Variants in MYLIP observed in about 807,000 individuals in gnomAD.
The protein encoded by MYLIP is myosin regulatory light chain interacting protein.
In MYLIP, 26 loss-of-function variants were observed where a neutral mutation model predicts 45.8. That is an observed-to-expected ratio of 0.57 (90% CI 0.42 to 0.79). The LOEUF is 0.79. Ranked by LOEUF, MYLIP falls within the 30% of genes least tolerant of loss-of-function variation. The pLI is 0.00. For missense variants in MYLIP, 494 were observed against 555.6 expected, an observed-to-expected ratio of 0.89 and a Z score of 1.11; for synonymous variants, 213 against 218.1, an observed-to-expected ratio of 0.98 and a Z score of 0.21.
At chr6:16,141,506 C>A in intron 2 of MYLIP, 119 bp from the exon 3 acceptor site, 1 of 920,168 alleles carries the variant, frequency 1.1e-6, no homozygotes, top group Non-Finnish European at 1.6e-6. Flanking sequence ...TAATGTTAAG[C>A]ATTTTCAGTG....
downstream of MYLIP, among the ~76,000 whole-genome samples, chr6:16,148,903 T>C (rs747284268): frequency 6.6e-5 from 10 of 152,218 alleles, no homozygotes; most frequent in Non-Finnish European, 1.3e-4. Context: ...TAATTATCTG[T>C]AGCAATTGGA....
the MYLIP span, among the ~76,000 whole-genome samples, chr6:16,160,767 A>G: frequency 1.3e-5 from 2 of 152,144 alleles, no homozygotes; most frequent in Admixed American, 6.6e-5. Flanking sequence ...ATGCCACTGC[A>G]CTCCAGTCTG....
At chr6:16,157,139 C>T in the MYLIP span, among the ~76,000 whole-genome samples, 3 of 152,254 alleles carry the variant, frequency 2.0e-5, no homozygotes, top group Admixed American at 6.5e-5. Flanking sequence ...CCTCTCTCCT[C>T]ACTCCTGGAC....
chr6:16,130,305 T>A (rs1759432389), intron 1 of MYLIP, among the ~76,000 whole-genome samples: 1 of 152,224 alleles, frequency 6.6e-6, no homozygotes, highest in Non-Finnish European at 1.5e-5. Flanking sequence ...GGAAGGCTAC[T>A]TTTGAGGACT....
At chr6:16,132,260 TTTATAA>T (rs1759473062) in intron 2 of MYLIP, among the ~76,000 whole-genome samples, 1 of 152,212 alleles carries the variant, frequency 6.6e-6, no homozygotes, top group Non-Finnish European at 1.5e-5. Flanking sequence ...GTATTCAGAC[TTTATAA>T]TTGACTAGTA....
chr6:16,131,198 A>C (rs577646182), intron 2 of MYLIP, among the ~76,000 whole-genome samples: 30 of 152,318 alleles, frequency 2.0e-4, no homozygotes, highest in African/African-American at 6.5e-4. Context: ...AAACTTGGTC[A>C]GTTTCTTCAG....
Position 16,144,890 on chromosome 6 carries a change from C to T in MYLIP, c.828-7C>T, listed in dbSNP as rs2113565249. The T allele has an allele frequency of 6.2e-7, 1 of 1,604,550 alleles. No individual in the cohort carries two copies. ...TGTTAAAGTAGATGTTCAATCTTGC[C>T]TTGCAGGTGTGACACAGTGACCAGC... On this transcript the variant is annotated splice_polypyrimidine_tract_variant and splice_region_variant and intron_variant, in intron 5 of 6. Coordinates refer to ENST00000356840, the MANE Select transcript of MYLIP (RefSeq NM_013262.4).
chr6:16,158,509 T>C, the MYLIP span, among the ~76,000 whole-genome samples: 2 of 152,216 alleles, frequency 1.3e-5, no homozygotes, highest in African/African-American at 4.8e-5. Context: ...AAAAACTATA[T>C]ATACATCTAT....
chr6:16,142,130 A>G (rs1192283164), intron 3 of MYLIP, among the ~76,000 whole-genome samples: 1 of 152,244 alleles, frequency 6.6e-6, no homozygotes, highest in Non-Finnish European at 1.5e-5. Context: ...GCTACTGCAT[A>G]TATTCATAGA....
chr6:16,151,185 T>TA (rs1339394590), downstream of MYLIP, among the ~76,000 whole-genome samples: 775 of 139,736 alleles, frequency 5.5e-3, 3 homozygotes, highest in African/African-American at 0.016. Context: ...CCATCTCTGC[T>TA]AAAAAAAAAA....
rs1759397120 is a variant in MYLIP, at chr6:16,129,129, A to T, written c.-194A>T. 1.7e-6 allele frequency: 1 copy of T among 583,066 alleles called. No individual in the cohort carries two copies. Among genetic ancestry groups the T allele is most frequent in the Non-Finnish European group, 3.0e-6 (1 of 332,654 alleles). The allele number at this position is 583,066 out of a possible 1,614,324, so 36.1% of individuals were successfully genotyped here. The stretch of plus-strand genomic sequence containing the variant: ...CGGCGCCACCGCGGAGGACAGGGGC[A>T]GCTGGCGGGCAGCGGGTGAGGGGGT... On this transcript the variant is annotated 5_prime_UTR_variant, in exon 1 of 7. Transcript: ENST00000356840. The surrounding 1 kb of genome is among the most constrained non-coding windows in gnomAD (Gnocchi z 5.1).
chr6:16,150,505 TAGG>T (rs1759862896), downstream of MYLIP, among the ~76,000 whole-genome samples: 2 of 152,108 alleles, frequency 1.3e-5, no homozygotes, highest in South Asian at 4.2e-4. Flanking sequence ...GGGTTTTAAA[TAGG>T]AGGCCCTGTG....
the MYLIP span, among the ~76,000 whole-genome samples, chr6:16,153,587 T>C: frequency 2.6e-5 from 4 of 152,214 alleles, no homozygotes; most frequent in African/African-American, 9.6e-5. Context: ...ACTATCATGA[T>C]TATTCATAAT....
intron 2 of MYLIP, among the ~76,000 whole-genome samples, chr6:16,133,080 C>T (rs1039321748): frequency 6.6e-6 from 1 of 152,004 alleles, no homozygotes. Flanking sequence ...TTAGGGAGGC[C>T]CTTGTGAGAA....
the MYLIP span, chr6:16,163,665 G>A: frequency 6.6e-6 from 1 of 152,068 alleles, no homozygotes; most frequent in Non-Finnish European, 1.5e-5. Flanking sequence ...GTCTTTATCT[G>A]TCTGAAGCCT....
chr6:16,142,899 A>T (rs892396848), intron 3 of MYLIP, 121 bp from the exon 4 acceptor site: 1 of 1,005,664 alleles, frequency 9.9e-7, no homozygotes, highest in Non-Finnish European at 1.5e-6. Context: ...TCAGTAATAC[A>T]TAAGTTTTAA....
At chr6:16,160,671 G>A in the MYLIP span, among the ~76,000 whole-genome samples, 15 of 152,102 alleles carry the variant, frequency 9.9e-5, no homozygotes, top group Non-Finnish European at 1.6e-4. Flanking sequence ...GCATGGTAGC[G>A]GGTGCCTGAA....
At position 16,143,158 on chromosome 6, in the gene MYLIP, C is replaced by T. The variant is rs754492189; in HGVS notation, c.603C>T (p.Leu201=). 2.5e-6 allele frequency: 4 copies of T among 1,614,130 alleles called. No homozygotes were observed. The highest frequency in any genetic ancestry group is 1.7e-5 in the Admixed American group (1 of 60,022). ...SVRDSEGQKL[L]IGVGPEGISI... ...GGGATAGCGAAGGGCAGAAACTGCT[C>T]ATTGGGGTTGGACCTGAAGGAATCT... The change falls in exon 4 of 7, where the codon CTC becomes CTT. Residue 201 remains leucine (L), a synonymous_variant. Transcript: ENST00000356840.
At chr6:16,155,069 CT>C in the MYLIP span, among the ~76,000 whole-genome samples, 1 of 152,104 alleles carries the variant, frequency 6.6e-6, no homozygotes, top group Non-Finnish European at 1.5e-5. Context: ...CTTGCTGGCC[CT>C]TCTCCTCCCA....
Sources: gnomAD v4.1 joint callset for allele counts (sites outside exome capture counted in the v4.1 genomes callset) on GRCh38, gnomAD v4.1.1 for gene constraint, Gnocchi (gnomAD v3.1) non-coding constraint, MANE v1.5 for transcripts, NCBI Gene and HGNC (gene_info 2026-07-23, HGNC 2026-07-21) for gene names.